The following TNFAIP8L3 variants were observed in gnomAD, a reference collection of about 807,000 sequenced individuals.
TNFAIP8L3 encodes the protein TNF alpha induced protein 8 like 3, also known as tumor necrosis factor alpha-induced protein 8-like protein 3.
A neutral mutation model predicts 11.8 loss-of-function variants in TNFAIP8L3; 7 were observed. The observed-to-expected ratio is 0.59, with a 90% confidence interval of 0.34 to 1.11. The LOEUF (loss-of-function observed/expected upper bound fraction) is 1.11. Ranked by LOEUF, TNFAIP8L3 falls within the 50% of genes most tolerant of loss-of-function variation. The pLI is 0.03. For missense variants in TNFAIP8L3, 219 were observed against 258.6 expected, an observed-to-expected ratio of 0.85 and a Z score of 1.05; for synonymous variants, 98 against 103.8, an observed-to-expected ratio of 0.94 and a Z score of 0.34.
At chr15:51,070,816 G>A (rs2065302800) in intron 1 of TNFAIP8L3, among the ~76,000 whole-genome samples, 1 of 151,624 alleles carries the variant, frequency 6.6e-6, no homozygotes, top group South Asian at 2.1e-4. Context: ...GGAGGCCAAG[G>A]CGGGCGGATC....
At chr15:51,071,050 CAAAAA>C (rs55991711) in intron 1 of TNFAIP8L3, among the ~76,000 whole-genome samples, 171 of 31,798 alleles carry the variant, frequency 5.4e-3, no homozygotes, top group Non-Finnish European at 7.3e-3. Context: ...GACTCCGTCT[CAAAAA>C]AAAAAAAAAA....
chr15:51,079,588 C>G (rs554278891), intron 1 of TNFAIP8L3, among the ~76,000 whole-genome samples: 3 of 152,332 alleles, frequency 2.0e-5, no homozygotes, highest in East Asian at 1.9e-4. Flanking sequence ...GAGACACTCT[C>G]ACCTGGGAAT....
At chr15:51,105,125 C>G in exon 1 of TNFAIP8L3, 1 of 1,614,174 alleles carries the variant, frequency 6.2e-7, no homozygotes, top group Admixed American at 1.7e-5. Context: ...TTTGGCTCTG[C>G]CTCACAGAGT....
At chr15:51,085,519 A>G (rs2065421434) in intron 1 of TNFAIP8L3, among the ~76,000 whole-genome samples, 1 of 152,178 alleles carries the variant, frequency 6.6e-6, no homozygotes, top group Non-Finnish European at 1.5e-5. Flanking sequence ...AAGAAAGGAA[A>G]TGCAGGTGAT....
chr15:51,058,953 A>C (rs2140961670), intron 1 of TNFAIP8L3, among the ~76,000 whole-genome samples: 1 of 152,352 alleles, frequency 6.6e-6, no homozygotes, highest in Non-Finnish European at 1.5e-5. Flanking sequence ...ATTGGGTCTA[A>C]GAGGTATTCT....
At chr15:51,103,976 A>C (rs2065571241) in intron 1 of TNFAIP8L3, among the ~76,000 whole-genome samples, 1 of 152,162 alleles carries the variant, frequency 6.6e-6, no homozygotes, top group Admixed American at 6.5e-5. Flanking sequence ...ATCACTTCCC[A>C]ACGTGCTCTC....
At chr15:51,099,766 G>C (rs2065537862), upstream of TNFAIP8L3, among the ~76,000 whole-genome samples, 1 of 152,154 alleles carries the variant, frequency 6.6e-6, no homozygotes, top group Admixed American at 6.5e-5. Flanking sequence ...CAGCTTTGTG[G>C]CATAGAAAAG....
chr15:51,091,854 C>G (rs1398969386), intron 1 of TNFAIP8L3, among the ~76,000 whole-genome samples: 1 of 152,148 alleles, frequency 6.6e-6, no homozygotes, highest in Non-Finnish European at 1.5e-5. Context: ...TTTTAAAACA[C>G]TAGAGTTCAT....
chr15:51,088,153 T>C (rs1468742525), intron 1 of TNFAIP8L3, among the ~76,000 whole-genome samples: 1 of 152,002 alleles, frequency 6.6e-6, no homozygotes, highest in African/African-American at 2.4e-5. Flanking sequence ...AGTGTCTTTA[T>C]AGAGATTTAC....
intron 1 of TNFAIP8L3, among the ~76,000 whole-genome samples, chr15:51,093,149 C>G (rs1281903737): frequency 1.3e-5 from 2 of 152,230 alleles, no homozygotes; most frequent in African/African-American, 2.4e-5. Flanking sequence ...ATGCAAAGGG[C>G]TCATGTTTAT....
chr15:51,078,035 C>G (rs774950971), intron 1 of TNFAIP8L3, among the ~76,000 whole-genome samples: 1 of 152,172 alleles, frequency 6.6e-6, no homozygotes, highest in East Asian at 1.9e-4. Flanking sequence ...TCGTGTTCAC[C>G]GTGGCGTCCC....
At chr15:51,096,909 A>AG (rs1555469005), upstream of TNFAIP8L3, among the ~76,000 whole-genome samples, 41 of 135,556 alleles carry the variant, frequency 3.0e-4, no homozygotes, top group South Asian at 2.0e-3. Context: ...AAAAAAAAAA[A>AG]AAAGAAAGAA....
intron 1 of TNFAIP8L3, 72 bp from the exon 2 acceptor site, chr15:51,058,515 C>T: frequency 1.5e-6 from 2 of 1,294,844 alleles, no homozygotes; most frequent in South Asian, 3.2e-5. Context: ...ACAAGTAAAA[C>T]ACACTAACTT....
At chr15:51,105,105 C>T in exon 1 of TNFAIP8L3, 2 of 1,614,218 alleles carry the variant, frequency 1.2e-6, no homozygotes, top group Non-Finnish European at 1.7e-6. Flanking sequence ...CGTTGACCCA[C>T]AGTTTCCCCT....
Position 51,094,718 on chromosome 15 carries a change from C to CGGCGCGGGT in TNFAIP8L3, c.-124_-123insACCCGCGCC, listed in dbSNP as rs2065499094. On this transcript the variant is annotated 5_prime_UTR_variant, in exon 1 of 2. Coordinates refer to ENST00000637513, the MANE Select transcript of TNFAIP8L3 (RefSeq NM_001311175.2). This position sits in a 1 kb window ranked among gnomAD's most constrained non-coding sequence, Gnocchi z 4.4. ...GCCCGGGCGGCGCGGGCGGCGCGGG[C>CGGCGCGGGT]TGGGCGGTGCGCGGCGGCAGCGGCC... 4.4e-5 allele frequency: 43 copies of CGGCGCGGGT among 987,038 alleles called. No homozygotes were observed. The South Asian group carries it at 1.7e-3, about 38-fold the overall frequency. The allele number at this position is 987,038 out of a possible 1,614,324, so 61.1% of individuals were successfully genotyped here.
chr15:51,067,858 C>G lies in TNFAIP8L3; in HGVS notation c.53-9415G>C, dbSNP rs8025004. Among the ~76,000 whole-genome samples the G allele has an allele frequency of 2.0e-3, 307 of 152,304 alleles. 1 individual carries two copies. The highest frequency in any genetic ancestry group is 7.3e-3 in the African/African-American group (304 of 41,550). ...GGCACATGTGAACAGCAGGAAAACA[C>G]AGAGTGGACAATTATCCTTCCTCTT... On this transcript the variant is annotated intron_variant, in intron 1 of 1. Coordinates refer to ENST00000637513, the MANE Select transcript of TNFAIP8L3 (RefSeq NM_001311175.2).
chr15:51,057,686 A>G lies in TNFAIP8L3; in HGVS notation c.*195T>C. The G allele has an allele frequency of 1.8e-6, 1 of 557,594 alleles. No homozygotes were observed. Among genetic ancestry groups the G allele is most frequent in the South Asian group, 2.8e-5 (1 of 35,520 alleles). The allele number at this position is 557,594 out of a possible 1,614,324, so 34.5% of individuals were successfully genotyped here. On this transcript the variant is annotated 3_prime_UTR_variant, in exon 2 of 2. Coordinates refer to ENST00000637513, the MANE Select transcript of TNFAIP8L3 (RefSeq NM_001311175.2). ...GGCTTGCACACAGGTGATTTTAAGT[A>G]GAAACCTTGCTAGAAAGCTTGGAAG...
chr15:51,067,237 G>T (rs547129363), intron 1 of TNFAIP8L3, among the ~76,000 whole-genome samples: 67 of 152,162 alleles, frequency 4.4e-4, no homozygotes, highest in Non-Finnish European at 7.4e-4. Flanking sequence ...TCAGACTCAG[G>T]GTTAACTTTG....
chr15:51,084,948 G>A lies in TNFAIP8L3; in HGVS notation c.52+9596C>T, dbSNP rs190343697. ...GAAAAAGGTATTAATGAGGGATGCA[G>A]GAGGAGCAACTGAGAAGGTACAGAG... On this transcript the variant is annotated intron_variant, in intron 1 of 1. Coordinates refer to ENST00000637513, the MANE Select transcript of TNFAIP8L3 (RefSeq NM_001311175.2). 3.3e-5 allele frequency among the ~76,000 whole-genome samples: 5 copies of A among 152,284 alleles called. No individual in the cohort carries two copies. The East Asian group carries it at 9.6e-4, about 29-fold the overall frequency.
Sources: allele counts gnomAD v4.1 joint callset (sites outside exome capture counted in the v4.1 genomes callset), GRCh38; gene constraint gnomAD v4.1.1; non-coding constraint Gnocchi (gnomAD v3.1); transcripts MANE v1.5; gene names NCBI Gene and HGNC (gene_info 2026-07-23, HGNC 2026-07-21).